MRTFB: variants seen among roughly 807,000 people sequenced by gnomAD.
MRTFB encodes the protein myocardin-related transcription factor B.
In MRTFB, 29 loss-of-function variants were observed where a neutral mutation model predicts 104.2. The observed-to-expected ratio is 0.28, with a 90% CI of 0.21 to 0.38. The LOEUF (loss-of-function observed/expected upper bound fraction) is 0.38, where lower values mean the gene tolerates loss of function less well. Ranked by LOEUF, MRTFB falls within the 10% of genes least tolerant of loss-of-function variation. The pLI, the probability that MRTFB is intolerant of heterozygous loss-of-function variation, is 1.00. For synonymous variants in MRTFB, 535 were observed against 519.5 expected (o/e 1.03, Z -0.41); for missense variants, 1,270 against 1,341.6 (o/e 0.95, Z 0.83).
At chr16:14,129,471 T>C (rs930522278) in intron 2 of MRTFB, among the ~76,000 whole-genome samples, 5 of 152,252 alleles carry the variant, frequency 3.3e-5, no homozygotes, top group Admixed American at 2.0e-4. Context: ...GAACATTTAA[T>C]GTTTTGGCTC....
At chr16:14,133,448 C>G (rs1359850213) in intron 2 of MRTFB, among the ~76,000 whole-genome samples, 1 of 152,178 alleles carries the variant, frequency 6.6e-6, no homozygotes, top group Non-Finnish European at 1.5e-5. Context: ...TTAGTCATGT[C>G]TTAGACAAGT....
the MRTFB span, among the ~76,000 whole-genome samples, chr16:14,059,921 G>A: frequency 2.0e-5 from 3 of 151,234 alleles, no homozygotes; most frequent in African/African-American, 7.3e-5. Context: ...CCATGTGCTC[G>A]CTGTATGATC....
rs868188537 is a variant in MRTFB, at chr16:14,172,678, G to A, written c.154+31918G>A. Among the ~76,000 whole-genome samples, 15 of 152,082 alleles carry A rather than the reference G, an allele frequency of 9.9e-5. No homozygotes were observed. The South Asian group carries it at 3.1e-3, about 32-fold the overall frequency. ...ATGTTTATTCCTCCACAGCCTGGAGGAATAAACAGAAAGTGTTGTCAGACA... is the reference window on the plus strand; with the variant it reads ...ATGTTTATTCCTCCACAGCCTGGAGAAATAAACAGAAAGTGTTGTCAGACA... On this transcript the variant is annotated intron_variant, in intron 3 of 16. Coordinates refer to ENST00000571589, the MANE Select transcript of MRTFB (RefSeq NM_001308142.2).
intron 3 of MRTFB, among the ~76,000 whole-genome samples, chr16:14,202,416 T>G (rs930624697): frequency 2.6e-5 from 4 of 152,190 alleles, no homozygotes; most frequent in Non-Finnish European, 5.9e-5. Flanking sequence ...AAAACAGGGA[T>G]TCTTAAATCA....
the MRTFB span, among the ~76,000 whole-genome samples, chr16:13,997,552 T>G: frequency 6.6e-6 from 1 of 151,714 alleles, no homozygotes; most frequent in Non-Finnish European, 1.5e-5. Flanking sequence ...CTTAACACTT[T>G]GGGAGGCTGA....
At chr16:14,139,860 T>C (rs2037907099) in intron 2 of MRTFB, among the ~76,000 whole-genome samples, 1 of 152,210 alleles carries the variant, frequency 6.6e-6, no homozygotes, top group Non-Finnish European at 1.5e-5. Context: ...CCTTCTAGCC[T>C]CCAGTAACAG....
chr16:14,155,487 A>T (rs898570930), intron 3 of MRTFB, among the ~76,000 whole-genome samples: 3 of 152,176 alleles, frequency 2.0e-5, no homozygotes, highest in Non-Finnish European at 4.4e-5. Context: ...TGTAAGTAGT[A>T]TAGTAATTTT....
At chr16:14,040,517 C>T in the MRTFB span, among the ~76,000 whole-genome samples, 432 of 149,686 alleles carry the variant, frequency 2.9e-3, 6 homozygotes, top group African/African-American at 0.01. Context: ...GGCTGAAGTG[C>T]AGTGGCACAA....
At chr16:14,243,037 G>A (rs558641608) in intron 10 of MRTFB, among the ~76,000 whole-genome samples, 7 of 152,232 alleles carry the variant, frequency 4.6e-5, no homozygotes, top group African/African-American at 1.7e-4. Flanking sequence ...AAACTTCATG[G>A]GGAGAGAGAT....
the MRTFB span, among the ~76,000 whole-genome samples, chr16:14,064,985 G>A: frequency 5.9e-5 from 9 of 152,116 alleles, no homozygotes; most frequent in Non-Finnish European, 1.0e-4. Flanking sequence ...TTTTTTCTAA[G>A]TGTGTGCAGA....
chr16:14,204,569 C>G lies in MRTFB; in HGVS notation c.155-5674C>G, dbSNP rs145992516. 5.9e-3 allele frequency among the ~76,000 whole-genome samples: 902 copies of G among 152,130 alleles called. 8 individuals carry two copies. Among genetic ancestry groups the G allele is most frequent in the African/African-American group, 0.019 (800 of 41,508 alleles). ...TAAAAGTAGAGCAAATTCAAAACAC[C>G]TCTATTGACATAATATTGTTTTTAT... is the stretch of plus-strand genomic sequence containing the variant. On this transcript the variant is annotated intron_variant, in intron 3 of 16. Transcript: ENST00000571589.
chr16:14,060,509 C>T, the MRTFB span, among the ~76,000 whole-genome samples: 3 of 152,096 alleles, frequency 2.0e-5, no homozygotes, highest in South Asian at 2.1e-4. Context: ...TCATTTTTCT[C>T]TCTCGGCACC....
At chr16:14,099,737 G>A (rs755429247) in intron 2 of MRTFB, among the ~76,000 whole-genome samples, 4 of 147,958 alleles carry the variant, frequency 2.7e-5, no homozygotes, top group Admixed American at 6.7e-5. Flanking sequence ...GCACGATCTC[G>A]GCTCACTGCA....
intron 9 of MRTFB, among the ~76,000 whole-genome samples, chr16:14,239,974 G>A (rs534149514): frequency 7.2e-5 from 11 of 152,310 alleles, no homozygotes; most frequent in Admixed American, 2.0e-4. Flanking sequence ...CAAGGTCAGC[G>A]TGCATTGAGT....
At position 14,177,890 on chromosome 16, in the gene MRTFB, G is replaced by A. The variant is rs73516944; in HGVS notation, c.155-32353G>A. 0.12 allele frequency among the ~76,000 whole-genome samples: 17,164 copies of A among 142,176 alleles called. 2,225 individuals carry two copies. The highest frequency in any genetic ancestry group is 0.33 in the African/African-American group (13,064 of 39,048). The allele number at this position is 142,176 out of a possible 152,430, so 93.3% of individuals were successfully genotyped here. On this transcript the variant is annotated intron_variant, in intron 3 of 16. Transcript: ENST00000571589. This position sits in a 1 kb window ranked among gnomAD's most constrained non-coding sequence, Gnocchi z 4.7. ...ATTATTTAGAAAGCGAGAAGTACAT[G>A]AACCAGAGGTAGGGTGTGTGTGTGT...
chr16:14,159,308 T>TTCTA (rs1170514419), intron 3 of MRTFB, among the ~76,000 whole-genome samples: 6 of 152,234 alleles, frequency 3.9e-5, no homozygotes, highest in Admixed American at 6.5e-5. Context: ...TGTGTTTTCA[T>TTCTA]TCTAGCTCAG....
intron 8 of MRTFB, 108 bp from the exon 9 acceptor site, chr16:14,234,038 T>C: frequency 7.2e-7 from 1 of 1,391,076 alleles, no homozygotes; most frequent in Non-Finnish European, 9.9e-7. Context: ...TTTCCTTTGC[T>C]TCTTTTCTAG....
intron 3 of MRTFB, among the ~76,000 whole-genome samples, chr16:14,172,205 A>G (rs1160819478): frequency 6.6e-6 from 1 of 151,862 alleles, no homozygotes. Flanking sequence ...ATTGATTTCT[A>G]ATTTGTCCTT....
At chr16:14,180,071 T>C (rs1238571728) in intron 3 of MRTFB, among the ~76,000 whole-genome samples, 1 of 152,174 alleles carries the variant, frequency 6.6e-6, no homozygotes, top group Non-Finnish European at 1.5e-5. Flanking sequence ...TAACCACAGA[T>C]AATTACAGAA....
Sources: gnomAD v4.1 joint callset for allele counts (sites outside exome capture counted in the v4.1 genomes callset) on GRCh38, gnomAD v4.1.1 for gene constraint, Gnocchi (gnomAD v3.1) non-coding constraint, MANE v1.5 for transcripts, NCBI Gene and HGNC (gene_info 2026-07-23, HGNC 2026-07-21) for gene names.